ICA1: variants seen among roughly 807,000 people sequenced by gnomAD.
ICA1 encodes 69 kDa islet cell autoantigen.
In ICA1, 40 loss-of-function variants were observed where a neutral mutation model predicts 71.0. The ratio of observed to expected loss-of-function variants is 0.56; its 90% CI spans 0.44 to 0.73. The LOEUF (loss-of-function observed/expected upper bound fraction) is 0.73, where lower values mean the gene tolerates loss of function less well. Among genes scored for constraint, ICA1 ranks in the 30% least tolerant of loss-of-function variants. The probability of loss-of-function intolerance (pLI) is 0.00; values close to 1 mark genes in which losing one functional copy is unlikely to be tolerated. For synonymous variants in ICA1, 207 were observed against 209.5 expected, an observed-to-expected ratio of 0.99 and a Z score of 0.10; for missense variants, 578 against 576.5, an observed-to-expected ratio of 1.00 and a Z score of -0.03.
rs188454760 is a variant in ICA1, at chr7:8,237,077, A to G, written c.-79-1072T>C. Among the ~76,000 whole-genome samples, 493 of 152,378 alleles carry G rather than the reference A, an allele frequency of 3.2e-3. 1 individual carries two copies. Among genetic ancestry groups the G allele is most frequent in the Non-Finnish European group, 5.7e-3 (390 of 68,032 alleles). The stretch of plus-strand genomic sequence containing the variant: ...AATCCCACGCTTCAGGTATGCAGAC[A>G]AGAGAGAGGAAGAAGAGAATTTCCA... On this transcript the variant is annotated intron_variant, in intron 1 of 13. Transcript: ENST00000402384.
At chr7:8,187,115 T>A (rs186796713) in intron 6 of ICA1, among the ~76,000 whole-genome samples, 1 of 152,332 alleles carries the variant, frequency 6.6e-6, no homozygotes, top group East Asian at 1.9e-4. Flanking sequence ...CTCAGAAACA[T>A]GTTGTTAGGT....
At chr7:8,233,951 G>A (rs1385605137) in intron 2 of ICA1, among the ~76,000 whole-genome samples, 1 of 152,214 alleles carries the variant, frequency 6.6e-6, no homozygotes, top group African/African-American at 2.4e-5. Context: ...GGCCGGGCAT[G>A]GTGGCTCATG....
intron 1 of ICA1, among the ~76,000 whole-genome samples, chr7:8,243,369 C>T (rs138577189): frequency 0.02 from 3,119 of 152,266 alleles, 100 homozygotes; most frequent in African/African-American, 0.069. Context: ...TTCAACAATG[C>T]TTCATGCTAA....
In ICA1 at chr7:8,224,385, T is replaced by C. The variant is rs191192299; in HGVS notation, c.257-2987A>G. 2.6e-3 allele frequency among the ~76,000 whole-genome samples: 389 copies of C among 152,134 alleles called. 3 individuals carry two copies. Among genetic ancestry groups the C allele is most frequent in the Non-Finnish European group, 3.4e-3 (229 of 68,012 alleles). Reference sequence around the variant, plus strand: ...CCAGATCACGTCCTATGTATAAGAATGGGAGTCGGATTCCATTTTATGTGT... The same window carrying C: ...CCAGATCACGTCCTATGTATAAGAACGGGAGTCGGATTCCATTTTATGTGT... On this transcript the variant is annotated intron_variant, in intron 4 of 13. Coordinates refer to ENST00000402384, the MANE Select transcript of ICA1 (RefSeq NM_001136020.3).
At chr7:8,168,557 G>A (rs1334361152) in intron 6 of ICA1, among the ~76,000 whole-genome samples, 3 of 152,090 alleles carry the variant, frequency 2.0e-5, no homozygotes, top group Admixed American at 1.3e-4. Context: ...AAAATGTTTA[G>A]ATACCATCTC....
At chr7:8,153,495 T>A (rs1018396807) in intron 8 of ICA1, among the ~76,000 whole-genome samples, 1 of 152,068 alleles carries the variant, frequency 6.6e-6, no homozygotes, top group Non-Finnish European at 1.5e-5. Context: ...ACTTATGAGG[T>A]CTTTTTTTTT....
chr7:8,197,574 AAATAAT>A (rs56773343), intron 6 of ICA1, among the ~76,000 whole-genome samples: 52,769 of 129,364 alleles, frequency 0.41, 12,638 homozygotes, highest in South Asian at 0.64. Flanking sequence ...AAGAAAGAAG[AAATAAT>A]AATAATAATA....
chr7:8,178,828 A>G (rs1303620897), intron 6 of ICA1, among the ~76,000 whole-genome samples: 1 of 152,142 alleles, frequency 6.6e-6, no homozygotes, highest in African/African-American at 2.4e-5. Context: ...GGTGTCAGTG[A>G]TGGCTCCTTT....
rs1786150146 is a variant in ICA1, at chr7:8,119,792, G to C, written c.1331-5748C>G. 2.0e-5 allele frequency among the ~76,000 whole-genome samples: 3 copies of C among 152,334 alleles called. No individual in the cohort carries two copies. In the South Asian group the frequency reaches 6.2e-4, roughly 32 times the overall value. The stretch of plus-strand genomic sequence containing the variant: ...ACCCGGGAGGCGGAGGTTGCAGTGA[G>C]CCGAGATCGTGCCACTGTACTCCAG... On this transcript the variant is annotated intron_variant, in intron 13 of 13. Coordinates refer to ENST00000402384, the MANE Select transcript of ICA1 (RefSeq NM_001136020.3).
intron 6 of ICA1, among the ~76,000 whole-genome samples, chr7:8,185,496 T>C (rs570967402): frequency 2.0e-5 from 3 of 152,324 alleles, no homozygotes; most frequent in African/African-American, 4.8e-5. Context: ...GGGAGCTTGA[T>C]AGAAATGTAA....
intron 12 of ICA1, among the ~76,000 whole-genome samples, chr7:8,129,957 G>A (rs574412205): frequency 2.5e-4 from 28 of 110,714 alleles, no homozygotes. Context: ...TGCGGTATTT[G>A]GTTTTTTGTC....
rs955915916 is a variant in ICA1 at position 8,130,210 on chromosome 7, A to G, written c.1061-2068T>C. Among the ~76,000 whole-genome samples the G allele has an allele frequency of 6.6e-6, 1 of 152,194 alleles. No homozygotes were observed. The highest frequency in any genetic ancestry group is 1.5e-5 in the Non-Finnish European group (1 of 68,042). On this transcript the variant is annotated intron_variant, in intron 12 of 13. Coordinates refer to ENST00000402384, the MANE Select transcript of ICA1 (RefSeq NM_001136020.3). The surrounding 1 kb of genome is among the most constrained non-coding windows in gnomAD (Gnocchi z 4.2). ...ATGATTTATAATCCTTTGGGTCTAT[A>G]CCCAGTAATGGGATGGCTGGGTCGA...
rs565064865 is a variant in ICA1 at position 8,210,754 on chromosome 7, T to C, written c.579+7551A>G. Among the ~76,000 whole-genome samples, 47 of 152,256 alleles carry C rather than the reference T, an allele frequency of 3.1e-4. No individual in the cohort carries two copies. In the South Asian group the frequency reaches 7.3e-3, roughly 24 times the overall value. ...TTTTGAAACGGGGTCTCACTCTGTCTCCCAGGCTGGAGTACAGTGGCGTGA... is the reference window on the plus strand; with the variant it reads ...TTTTGAAACGGGGTCTCACTCTGTCCCCCAGGCTGGAGTACAGTGGCGTGA... On this transcript the variant is annotated intron_variant, in intron 6 of 13. Transcript: ENST00000402384.
intron 6 of ICA1, among the ~76,000 whole-genome samples, chr7:8,171,020 AC>A (rs1808129653): frequency 6.6e-6 from 1 of 151,832 alleles, no homozygotes. Context: ...CCAAAAAGAA[AC>A]CCCATCATCA....
At chr7:8,138,919 G>T in intron 11 of ICA1, 38 bp from the exon 12 acceptor site, 1 of 1,594,304 alleles carries the variant, frequency 6.3e-7, no homozygotes, top group Non-Finnish European at 8.6e-7. Flanking sequence ...TTATAAGTCA[G>T]TTTCATTTTG....
chr7:8,148,377 G>C (rs565109356), intron 8 of ICA1, among the ~76,000 whole-genome samples: 24 of 152,074 alleles, frequency 1.6e-4, no homozygotes, highest in African/African-American at 5.5e-4. Context: ...GATCCACCAA[G>C]AATTGGGTAA....
intron 1 of ICA1, among the ~76,000 whole-genome samples, chr7:8,237,819 G>GACAGACACAC (rs948194233): frequency 4.2e-5 from 6 of 142,168 alleles, no homozygotes; most frequent in African/African-American, 1.5e-4. Context: ...GTTGAAGACA[G>GACAGACACAC]ACACACACAC....
chr7:8,209,300 A>G (rs1792774501), intron 6 of ICA1, among the ~76,000 whole-genome samples: 1 of 152,232 alleles, frequency 6.6e-6, no homozygotes, highest in South Asian at 2.1e-4. Context: ...AAGCCAACAT[A>G]TTAGCATTTA....
intron 7 of ICA1, chr7:8,158,290 A>C: frequency 2.0e-6 from 1 of 489,638 alleles, no homozygotes; most frequent in Non-Finnish European, 3.6e-6. Flanking sequence ...CTCCAGGTAG[A>C]AGGGACCCCA....
Sources: allele counts gnomAD v4.1 joint callset (sites outside exome capture counted in the v4.1 genomes callset), GRCh38; gene constraint gnomAD v4.1.1; non-coding constraint Gnocchi (gnomAD v3.1); transcripts MANE v1.5; gene names NCBI Gene and HGNC (gene_info 2026-07-23, HGNC 2026-07-21).